EEFSEC: variants seen among roughly 807,000 people sequenced by gnomAD.
The protein encoded by EEFSEC is eukaryotic elongation factor, selenocysteine-tRNA specific.
A neutral mutation model predicts 42.1 loss-of-function variants in EEFSEC; 43 were observed. The ratio of observed to expected loss-of-function variants is 1.02; its 90% CI spans 0.80 to 1.32. The LOEUF is 1.32. EEFSEC is among the 40% of genes most tolerant of loss of function. The pLI, the probability that EEFSEC is intolerant of heterozygous loss-of-function variation, is 0.00. For missense variants in EEFSEC, 745 were observed against 803.6 expected (o/e 0.93, Z 0.88); for synonymous variants, 354 against 339.1 (o/e 1.04, Z -0.48).
intron 1 of EEFSEC, among the ~76,000 whole-genome samples, chr3:128,212,722 A>C (rs992115154): frequency 6.6e-6 from 1 of 152,234 alleles, no homozygotes; most frequent in Admixed American, 6.5e-5. Context: ...GTTTGGAGGT[A>C]TAGTTTCTAC....
At chr3:128,344,351 T>C (rs1400970242) in intron 5 of EEFSEC, among the ~76,000 whole-genome samples, 4 of 152,376 alleles carry the variant, frequency 2.6e-5, no homozygotes, top group African/African-American at 7.2e-5. Context: ...TGTACATTTT[T>C]CCCCAATTAA....
chr3:128,367,036 GCCTTCT>G (rs141265505), intron 6 of EEFSEC, among the ~76,000 whole-genome samples: 2,839 of 152,332 alleles, frequency 0.019, 96 homozygotes, highest in African/African-American at 0.063. Flanking sequence ...GCAGACGGCT[GCCTTCT>G]CCCTGTGTCC....
chr3:128,390,257 C>A (rs1219612277), intron 6 of EEFSEC, among the ~76,000 whole-genome samples: 12 of 152,206 alleles, frequency 7.9e-5, no homozygotes, highest in Admixed American at 7.8e-4. Flanking sequence ...TCTCCTCATT[C>A]ATCCTCTCAC....
intron 6 of EEFSEC, among the ~76,000 whole-genome samples, chr3:128,380,803 A>G (rs953916191): frequency 6.6e-6 from 1 of 152,238 alleles, no homozygotes; most frequent in Non-Finnish European, 1.5e-5. Flanking sequence ...AGAGCAGTAT[A>G]AGAGGGTTTC....
chr3:128,409,192 C>T (rs79088936), downstream of EEFSEC, among the ~76,000 whole-genome samples: 6,600 of 152,308 alleles, frequency 0.043, 479 homozygotes, highest in African/African-American at 0.15. Context: ...GAGACATTTG[C>T]AGGATGAACA....
chr3:128,181,020 C>T (rs1279935009), intron 1 of EEFSEC, among the ~76,000 whole-genome samples: 1 of 152,132 alleles, frequency 6.6e-6, no homozygotes, highest in Non-Finnish European at 1.5e-5. Context: ...TAGCAAGTTG[C>T]CCTTTTGCCA....
At chr3:128,337,483 C>T (rs556592820) in intron 4 of EEFSEC, among the ~76,000 whole-genome samples, 25 of 152,306 alleles carry the variant, frequency 1.6e-4, no homozygotes, top group African/African-American at 5.1e-4. Context: ...AGGCCCCTGG[C>T]CGCCCTCTCT....
At chr3:128,319,530 C>A (rs10934853) in intron 4 of EEFSEC, among the ~76,000 whole-genome samples, 64,720 of 152,060 alleles carry the variant, frequency 0.43, 16,404 homozygotes, top group African/African-American at 0.71. Flanking sequence ...GTTCTACCCT[C>A]AACAGACTTT....
At chr3:128,395,708 C>A (rs1024048687) in intron 6 of EEFSEC, among the ~76,000 whole-genome samples, 1 of 152,208 alleles carries the variant, frequency 6.6e-6, no homozygotes, top group African/African-American at 2.4e-5. Flanking sequence ...CACACCCAGG[C>A]CAATCAGCAG....
chr3:128,219,641 A>G (rs1378367087), intron 1 of EEFSEC, among the ~76,000 whole-genome samples: 1 of 152,212 alleles, frequency 6.6e-6, no homozygotes, highest in African/African-American at 2.4e-5. Context: ...TCTCTGTACA[A>G]GCTATGCAGA....
At chr3:128,223,638 C>G (rs1177983381) in intron 1 of EEFSEC, among the ~76,000 whole-genome samples, 1 of 152,170 alleles carries the variant, frequency 6.6e-6, no homozygotes, top group African/African-American at 2.4e-5. Flanking sequence ...GTTGACACCA[C>G]TGGGCTTCAG....
intron 1 of EEFSEC, among the ~76,000 whole-genome samples, chr3:128,170,499 TA>T (rs78919650): frequency 4.7e-3 from 660 of 139,408 alleles, no homozygotes; most frequent in Middle Eastern, 7.2e-3. Flanking sequence ...AGACCACGTC[TA>T]AAAAAAAAAA....
chr3:128,372,094 T>C (rs2067660763), intron 6 of EEFSEC, among the ~76,000 whole-genome samples: 3 of 152,242 alleles, frequency 2.0e-5, no homozygotes. Context: ...AGGGAAAATT[T>C]GTATTTTTCC....
chr3:128,411,169 G>C (rs1212847807), downstream of EEFSEC, among the ~76,000 whole-genome samples: 1 of 152,202 alleles, frequency 6.6e-6, no homozygotes, highest in African/African-American at 2.4e-5. Context: ...GCTGGTGCCA[G>C]CACCCGCTTC....
rs1444344901 is a variant in EEFSEC at position 128,246,862 on chromosome 3, C to G, written c.343C>G (p.Leu115Val). Residue 115 changes from leucine to valine, a missense_variant, in exon 2 of 7, where the codon CTG becomes GTG. Physicochemically the swap from Leu to Val is conservative, Grantham distance 32 (BLOSUM62 1). Transcript: ENST00000254730. ...GGAQIIDLMM[L>V]VIDVTKGMQT... ...GGCCCAGATCATTGATCTGATGATG[C>G]TGGTCATCGATGTGACCAAGGGGAT... The G allele has an allele frequency of 6.2e-7, 1 of 1,614,056 alleles. No individual in the cohort carries two copies. The highest frequency in any genetic ancestry group is 1.1e-5 in the South Asian group (1 of 91,076).
chr3:128,301,280 G>C (rs933874508), intron 4 of EEFSEC, among the ~76,000 whole-genome samples: 2 of 152,142 alleles, frequency 1.3e-5, no homozygotes, highest in Non-Finnish European at 2.9e-5. Context: ...CAGCTCCTCC[G>C]GTGTGCACGC....
At chr3:128,259,714 T>C (rs2066278861) in intron 2 of EEFSEC, among the ~76,000 whole-genome samples, 1 of 152,244 alleles carries the variant, frequency 6.6e-6, no homozygotes. Context: ...ACTTACCTAT[T>C]CTGGTATTTC....
chr3:128,220,647 A>T (rs905152829), intron 1 of EEFSEC, among the ~76,000 whole-genome samples: 7 of 151,890 alleles, frequency 4.6e-5, no homozygotes, highest in Non-Finnish European at 1.0e-4. Flanking sequence ...CCCACTTCTA[A>T]CTCACTGTTC....
intron 1 of EEFSEC, among the ~76,000 whole-genome samples, chr3:128,174,473 T>C (rs2065328534): frequency 6.6e-6 from 1 of 152,176 alleles, no homozygotes; most frequent in Admixed American, 6.5e-5. Context: ...TGTGCCTAAT[T>C]AATAGTTGCC....
Sources: allele counts gnomAD v4.1 joint callset (sites outside exome capture counted in the v4.1 genomes callset), GRCh38; gene constraint gnomAD v4.1.1; transcripts MANE v1.5; gene names NCBI Gene and HGNC (gene_info 2026-07-23, HGNC 2026-07-21).